Variants in BPIFA1 observed in about 807,000 individuals in gnomAD.
BPIFA1 encodes BPI fold containing family A member 1.
BPIFA1 carries 24 observed loss-of-function variants against 25.1 expected under a neutral mutation model. The ratio of observed to expected loss-of-function variants is 0.96; its 90% CI spans 0.69 to 1.35. BPIFA1 has a LOEUF of 1.35. Ranked by LOEUF, BPIFA1 falls within the 40% of genes most tolerant of loss-of-function variation. The pLI, the probability that BPIFA1 is intolerant of heterozygous loss-of-function variation, is 0.00. For synonymous variants in BPIFA1, 139 were observed against 131.8 expected (o/e 1.05, Z -0.37); for missense variants, 344 against 303.7 (o/e 1.13, Z -0.99).
At chr20:33,238,360 C>T in intron 3 of BPIFA1, 146 bp downstream of exon 3, 6 of 978,166 alleles carry the variant, frequency 6.1e-6, no homozygotes, top group Non-Finnish European at 8.8e-6. Context: ...TTCTGAGACC[C>T]ATCTCCAGTT....
At position 33,243,302 on chromosome 20, in the gene BPIFA1, C is replaced by A. The variant is rs2295575; in HGVS notation, c.*230C>A. ...CTCACCTAATAAAATGGCTCTTCTT[C>A]TGCATCAGGGGCCTTGTCATCCTTC... On this transcript the variant is annotated 3_prime_UTR_variant, in exon 9 of 9. Transcript: ENST00000354297. 0.27 allele frequency: 40,413 copies of A among 152,098 alleles called. 5,872 individuals are homozygous for A. The highest frequency in any genetic ancestry group is 0.36 in the African/African-American group (15,066 of 41,406). 9.4% of individuals were successfully genotyped at this position (152,098 alleles called of 1,614,324 possible).
Position 33,239,913 on chromosome 20 carries a change from G to C in BPIFA1, c.428+3G>C, listed in dbSNP as rs375024916. On this transcript the variant is annotated splice_donor_region_variant and intron_variant, in intron 4 of 8. Transcript: ENST00000354297. ...GGCATAAAGCTCCAAGTGAATACGT[G>C]AGTGGGTCCCAAGAGGGGGTGAGAG... 1 of 1,612,208 alleles carries C rather than the reference G, an allele frequency of 6.2e-7. No individual in the cohort carries two copies. The highest frequency in any genetic ancestry group is 1.7e-5 in the Admixed American group (1 of 60,024).
At chr20:33,242,733 TGCAG>T (rs1214728205) in intron 8 of BPIFA1, among the ~76,000 whole-genome samples, 172 bp downstream of exon 8, 1 of 152,092 alleles carries the variant, frequency 6.6e-6, no homozygotes, top group Admixed American at 6.6e-5. Flanking sequence ...GGTGGAAGGA[TGCAG>T]GCAGCACAGC....
chr20:33,236,672 A>G (rs1449651007), intron 1 of BPIFA1, among the ~76,000 whole-genome samples: 1 of 152,206 alleles, frequency 6.6e-6, no homozygotes, highest in Non-Finnish European at 1.5e-5. Context: ...GCCAAACCTC[A>G]GGGGTTGACC....
chr20:33,241,138 C>T (rs1333421020), intron 5 of BPIFA1, among the ~76,000 whole-genome samples: 3 of 152,176 alleles, frequency 2.0e-5, no homozygotes, highest in Admixed American at 6.5e-5. Flanking sequence ...TCTGCAAAGC[C>T]TTATTGGCAC....
intron 5 of BPIFA1, among the ~76,000 whole-genome samples, 184 bp downstream of exon 5, chr20:33,240,569 T>G (rs1488250128): frequency 6.7e-6 from 1 of 150,288 alleles, no homozygotes; most frequent in Non-Finnish European, 1.5e-5. Flanking sequence ...GATGGATGGA[T>G]GGATGGATGG....
intron 4 of BPIFA1, 140 bp downstream of exon 4, chr20:33,240,050 C>G: frequency 7.5e-7 from 1 of 1,327,888 alleles, no homozygotes; most frequent in Non-Finnish European, 1.1e-6. Context: ...GCTAAGTGGC[C>G]TTGGGTCACT....
chr20:33,238,710 G>A (rs957576487), intron 3 of BPIFA1, among the ~76,000 whole-genome samples: 1 of 152,182 alleles, frequency 6.6e-6, no homozygotes. Context: ...TGATATCAAT[G>A]TGATGAAAAA....
chr20:33,236,531 T>G (rs1600637752), intron 1 of BPIFA1, among the ~76,000 whole-genome samples: 1 of 152,104 alleles, frequency 6.6e-6, no homozygotes, highest in East Asian at 1.9e-4. Context: ...ACCACAAGGA[T>G]GGAGCTTTAG....
intron 3 of BPIFA1, 29 bp from the exon 4 acceptor site, chr20:33,239,774 T>C: frequency 6.3e-7 from 1 of 1,590,134 alleles, no homozygotes; most frequent in Non-Finnish European, 8.6e-7. Context: ...GAGCTAATGT[T>C]TCCCCCTCCA....
At chr20:33,238,301 C>G (rs1978796716) in intron 3 of BPIFA1, 87 bp downstream of exon 3, 3 of 1,454,964 alleles carry the variant, frequency 2.1e-6, no homozygotes, top group Non-Finnish European at 2.8e-6. Context: ...CCTGAAGCAG[C>G]GACCCTGAAG....
rs752198990 is a variant in BPIFA1 at position 33,240,385 on chromosome 20, G to A, written c.581G>A (p.Gly194Glu). Residue 194 changes from glycine (G) to glutamate (E), a missense_variant and splice_region_variant, in exon 5 of 9, where the codon GGA becomes GAA. Transcript: ENST00000354297. ...AGCCTGCAAATTTCTCTGCTTGATGGGTGAGGCCAGAGGAGCAGCTTATCC... is the reference window on the plus strand; with the variant it reads ...AGCCTGCAAATTTCTCTGCTTGATGAGTGAGGCCAGAGGAGCAGCTTATCC... ...PGSLQISLLD[G>E]LGPLPIQGLL... 2 of 1,613,962 alleles carry A rather than the reference G, an allele frequency of 1.2e-6. No individual in the cohort carries two copies. The highest frequency in any genetic ancestry group is 1.7e-6 in the Non-Finnish European group (2 of 1,179,962).
intron 5 of BPIFA1, 66 bp from the exon 6 acceptor site, chr20:33,241,319 C>A: frequency 7.0e-7 from 1 of 1,436,742 alleles, no homozygotes; most frequent in Non-Finnish European, 9.8e-7. Flanking sequence ...TTCACAGTGG[C>A]CCCCTCTGGA....
At chr20:33,239,535 G>C (rs1051567409) in intron 3 of BPIFA1, among the ~76,000 whole-genome samples, 7 of 152,196 alleles carry the variant, frequency 4.6e-5, no homozygotes, top group African/African-American at 1.7e-4. Flanking sequence ...ATATAATCCA[G>C]ACACAGTTGT....
At chr20:33,240,444 A>C (rs1387006422) in intron 5 of BPIFA1, 59 bp downstream of exon 5, 1 of 1,589,228 alleles carries the variant, frequency 6.3e-7, no homozygotes, top group East Asian at 2.2e-5. Flanking sequence ...TGCCGGATGG[A>C]TGATTGGAAA....
intron 3 of BPIFA1, among the ~76,000 whole-genome samples, chr20:33,239,518 G>C (rs1388272032): frequency 6.6e-6 from 1 of 152,186 alleles, no homozygotes; most frequent in Non-Finnish European, 1.5e-5. Flanking sequence ...TGGCATACAG[G>C]ATGCAGATAT....
In BPIFA1 at chr20:33,242,047, C is replaced by T. The variant is rs138700998; in HGVS notation, c.667-9C>T. The T allele has an allele frequency of 1.6e-4, 255 of 1,613,860 alleles. 1 individual carries two copies. The African/African-American group carries it at 3.1e-3, about 19-fold the overall frequency. On this transcript the variant is annotated splice_polypyrimidine_tract_variant and intron_variant, in intron 6 of 8. Coordinates refer to ENST00000354297, the MANE Select transcript of BPIFA1 (RefSeq NM_130852.3). ...ACTCTGCCTAACTCTCCTCTCTGCC[C>T]CTGGCCAGGTGTGCCCTCTGGTCAA...
chr20:33,239,142 G>A (rs1483510758), intron 3 of BPIFA1, among the ~76,000 whole-genome samples: 1 of 152,120 alleles, frequency 6.6e-6, no homozygotes, highest in Non-Finnish European at 1.5e-5. Context: ...CACAGGCCTG[G>A]CTTCTCCTGG....
intron 4 of BPIFA1, 98 bp from the exon 5 acceptor site, chr20:33,240,135 T>A: frequency 6.6e-7 from 1 of 1,523,682 alleles, no homozygotes; most frequent in Non-Finnish European, 8.9e-7. Flanking sequence ...GTGGGCAAGA[T>A]GGAGTGAGGT....
Sources: gnomAD v4.1 joint callset for allele counts (sites outside exome capture counted in the v4.1 genomes callset) on GRCh38, gnomAD v4.1.1 for gene constraint, MANE v1.5 for transcripts, NCBI Gene and HGNC (gene_info 2026-07-23, HGNC 2026-07-21) for gene names.